The following DPP10 variants were observed in gnomAD, a reference collection of about 807,000 sequenced individuals.
DPP10 encodes inactive dipeptidyl peptidase 10.
Under a neutral mutation model 120.9 loss-of-function variants are expected in DPP10, and 33 were observed. That is an observed-to-expected ratio of 0.27 (90% CI 0.21 to 0.37). The LOEUF is 0.37. Among genes scored for constraint, DPP10 ranks in the 10% least tolerant of loss-of-function variants. The probability of loss-of-function intolerance (pLI) is 1.00; values close to 1 mark genes in which losing one functional copy is unlikely to be tolerated. For missense variants in DPP10, 816 were observed against 942.8 expected (o/e 0.87, Z 1.76); for synonymous variants, 337 against 326.1 (o/e 1.03, Z -0.36).
At chr2:115,748,225 A>G (rs537396226) in intron 10 of DPP10, among the ~76,000 whole-genome samples, 302 of 99,820 alleles carry the variant, frequency 3.0e-3, no homozygotes, top group Non-Finnish European at 5.7e-3. Flanking sequence ...TTACATGTTT[A>G]TGGGTTTTTT....
At chr2:114,906,824 C>T (rs1305764054) in intron 1 of DPP10, among the ~76,000 whole-genome samples, 14 of 151,918 alleles carry the variant, frequency 9.2e-5, no homozygotes, top group Admixed American at 9.2e-4. Flanking sequence ...TCTTATGGTG[C>T]TTTTGTGTTG....
intron 1 of DPP10, among the ~76,000 whole-genome samples, chr2:114,451,618 C>A (rs569662434): frequency 2.0e-5 from 3 of 152,112 alleles, no homozygotes; most frequent in Admixed American, 2.0e-4. Context: ...ATAGTTGAGA[C>A]CAACTAGATT....
At chr2:115,814,724 T>C in intron 19 of DPP10, 69 bp from the exon 20 acceptor site, 1 of 1,294,946 alleles carries the variant, frequency 7.7e-7, no homozygotes, top group Non-Finnish European at 1.0e-6. Context: ...AACTTGTGAG[T>C]ATGAAAGGTA....
At chr2:115,050,280 C>G (rs1250570540) in intron 1 of DPP10, 2 of 152,272 alleles carry the variant, frequency 1.3e-5, no homozygotes, top group East Asian at 3.9e-4. Flanking sequence ...TACTCCTCAT[C>G]TTAGTGATGG....
chr2:115,579,218 C>T (rs1037283641), intron 5 of DPP10: 1 of 152,068 alleles, frequency 6.6e-6, no homozygotes, highest in Non-Finnish European at 1.5e-5. Context: ...CTCTTGGTCA[C>T]CTTACTTTGA....
At chr2:114,549,269 A>G (rs901357364) in intron 1 of DPP10, among the ~76,000 whole-genome samples, 14 of 151,432 alleles carry the variant, frequency 9.2e-5, no homozygotes, top group Non-Finnish European at 1.3e-4. Flanking sequence ...CCACATAGAG[A>G]GTCATTCACC....
At chr2:115,606,942 T>A (rs895641046) in intron 5 of DPP10, among the ~76,000 whole-genome samples, 2 of 152,214 alleles carry the variant, frequency 1.3e-5, no homozygotes, top group African/African-American at 4.8e-5. Context: ...CCTGCCTTGA[T>A]GAGAAGCAGT....
At chr2:114,477,854 A>AATATATGT (rs1558794621) in intron 1 of DPP10, among the ~76,000 whole-genome samples, 1 of 71,942 alleles carries the variant, frequency 1.4e-5, no homozygotes, top group South Asian at 3.8e-4. Context: ...TGCATGTATA[A>AATATATGT]ATATATGTAT....
At chr2:115,162,018 C>T in intron 1 of DPP10, 3 of 1,387,100 alleles carry the variant, frequency 2.2e-6, no homozygotes, top group South Asian at 1.7e-5. Flanking sequence ...CAGGCGCAGC[C>T]GGCGGACCAG....
chr2:114,765,184 A>G (rs893585257), intron 1 of DPP10, among the ~76,000 whole-genome samples: 1 of 152,176 alleles, frequency 6.6e-6, no homozygotes, highest in Non-Finnish European at 1.5e-5. Context: ...CAATTTTTAA[A>G]AATTGTACTT....
At chr2:115,602,588 G>C (rs1230274088) in intron 5 of DPP10, among the ~76,000 whole-genome samples, 1 of 151,930 alleles carries the variant, frequency 6.6e-6, no homozygotes, top group African/African-American at 2.4e-5. Context: ...TTCATGTAAA[G>C]TTGCTGATTT....
At chr2:115,628,299 G>A (rs760553799) in intron 5 of DPP10, among the ~76,000 whole-genome samples, 1 of 151,910 alleles carries the variant, frequency 6.6e-6, no homozygotes, top group East Asian at 1.9e-4. Context: ...ATGCTTCTTG[G>A]CCATATAAAT....
chr2:115,632,059 G>A (rs34040863), intron 5 of DPP10, among the ~76,000 whole-genome samples: 63,123 of 151,974 alleles, frequency 0.42, 16,120 homozygotes, highest in Non-Finnish European at 0.58. Context: ...TCTCTTTGTA[G>A]GTCTCTAAGA....
chr2:115,153,883 T>C (rs2051725296), intron 1 of DPP10, among the ~76,000 whole-genome samples: 1 of 152,212 alleles, frequency 6.6e-6, no homozygotes, highest in Non-Finnish European at 1.5e-5. Context: ...GTTTTCTTTC[T>C]TTGCTTTCTA....
rs555386080 is a variant in DPP10, at chr2:115,577,485, C to T, written c.441+51513C>T. Among the ~76,000 whole-genome samples the T allele has an allele frequency of 6.6e-5, 10 of 152,122 alleles. 1 individual carries two copies. The highest frequency in any genetic ancestry group is 3.9e-4 in the East Asian group (2 of 5,184). On this transcript the variant is annotated intron_variant, in intron 5 of 25. Coordinates refer to ENST00000410059, the MANE Select transcript of DPP10 (RefSeq NM_020868.6). Reference sequence around the variant, plus strand: ...ATGGATTTTTGTATGATTTTTAATGCGATGAGATAAATCTTCAGTAAAATT... The same window carrying T: ...ATGGATTTTTGTATGATTTTTAATGTGATGAGATAAATCTTCAGTAAAATT...
chr2:114,469,452 G>A (rs1050277161), intron 1 of DPP10, among the ~76,000 whole-genome samples: 2 of 152,094 alleles, frequency 1.3e-5, no homozygotes, highest in African/African-American at 2.4e-5. Context: ...TATTGTGGGC[G>A]GGGTGTGGTG....
intron 1 of DPP10, among the ~76,000 whole-genome samples, chr2:114,638,136 G>C (rs1345829960): frequency 6.6e-6 from 1 of 151,652 alleles, no homozygotes; most frequent in African/African-American, 2.4e-5. Flanking sequence ...CCATTTATTT[G>C]CATCATTTCT....
At chr2:114,553,149 T>C (rs1688021542) in intron 1 of DPP10, among the ~76,000 whole-genome samples, 1 of 152,206 alleles carries the variant, frequency 6.6e-6, no homozygotes, top group Non-Finnish European at 1.5e-5. Context: ...GCTTCACAGT[T>C]GGAATTGCTG....
chr2:115,136,762 G>A (rs571934605), intron 1 of DPP10, among the ~76,000 whole-genome samples: 1 of 152,202 alleles, frequency 6.6e-6, no homozygotes, highest in Admixed American at 6.5e-5. Context: ...AATCTTTGGA[G>A]GAATAGTACA....
Sources: gnomAD v4.1 joint callset for allele counts (sites outside exome capture counted in the v4.1 genomes callset) on GRCh38, gnomAD v4.1.1 for gene constraint, MANE v1.5 for transcripts, NCBI Gene and HGNC (gene_info 2026-07-23, HGNC 2026-07-21) for gene names.